The following FNDC3B variants were observed in gnomAD, a reference collection of about 807,000 sequenced individuals.
FNDC3B encodes fibronectin type III domain containing 3B.
FNDC3B carries 12 observed loss-of-function variants against 151.5 expected under a neutral mutation model. The observed-to-expected ratio is 0.08, with a 90% CI of 0.05 to 0.13. FNDC3B has a LOEUF of 0.13. Among genes scored for constraint, FNDC3B ranks in the 10% least tolerant of loss-of-function variants. The pLI is 1.00. For missense variants in FNDC3B, 1,214 were observed against 1,505.3 expected (o/e 0.81, Z 3.20); for synonymous variants, 528 against 549.0 (o/e 0.96, Z 0.54).
At chr3:172,135,437 T>C (rs1259346727) in intron 3 of FNDC3B, among the ~76,000 whole-genome samples, 1 of 152,218 alleles carries the variant, frequency 6.6e-6, no homozygotes, top group East Asian at 1.9e-4. Context: ...TTCATGATGA[T>C]ACTTGGAGAT....
At chr3:172,320,866 T>C (rs1732047289) in intron 11 of FNDC3B, among the ~76,000 whole-genome samples, 1 of 152,236 alleles carries the variant, frequency 6.6e-6, no homozygotes, top group African/African-American at 2.4e-5. Flanking sequence ...GAAAGCTTTA[T>C]GAGGATACTA....
intron 1 of FNDC3B, among the ~76,000 whole-genome samples, chr3:172,100,664 AT>A (rs1259214882): frequency 2.6e-5 from 4 of 152,106 alleles, no homozygotes; most frequent in African/African-American, 9.7e-5. Context: ...AACTGTTGTC[AT>A]TTCATGTGAA....
At chr3:172,252,856 A>G (rs984992685) in intron 6 of FNDC3B, among the ~76,000 whole-genome samples, 2 of 152,226 alleles carry the variant, frequency 1.3e-5, no homozygotes, top group African/African-American at 4.8e-5. Context: ...AATATCATAC[A>G]AAAGAAAGCA....
In FNDC3B at chr3:172,399,232, A is replaced by G. The variant is rs1736443789; in HGVS notation, c.*1757A>G. ...ATTTATTGTAAAATTTTTTAAGTGT[A>G]CTTATGTACTAATTTTCCCTTGTAG... On this transcript the variant is annotated 3_prime_UTR_variant, in exon 26 of 26. Transcript: ENST00000415807. 6.6e-6 allele frequency: 1 copy of G among 152,598 alleles called. No individual in the cohort carries two copies. The highest frequency in any genetic ancestry group is 1.5e-5 in the Non-Finnish European group (1 of 68,018). 9.5% of individuals were successfully genotyped at this position (152,598 alleles called of 1,614,324 possible).
At chr3:172,209,833 A>C (rs1239909633) in intron 3 of FNDC3B, among the ~76,000 whole-genome samples, 1 of 152,214 alleles carries the variant, frequency 6.6e-6, no homozygotes. Flanking sequence ...GCAGGCCCGC[A>C]CTGAACTGCC....
chr3:172,228,190 A>C (rs546395690), intron 4 of FNDC3B, among the ~76,000 whole-genome samples: 2 of 152,352 alleles, frequency 1.3e-5, no homozygotes, highest in East Asian at 3.9e-4. Flanking sequence ...TGTAAGTAAG[A>C]ATCACTGGAG....
intron 2 of FNDC3B, among the ~76,000 whole-genome samples, chr3:172,132,320 C>T (rs530828194): frequency 6.6e-6 from 1 of 152,316 alleles, no homozygotes; most frequent in South Asian, 2.1e-4. Context: ...GTGACACTGA[C>T]ATCCTGTCAA....
In FNDC3B at chr3:172,112,435, C is replaced by T. The variant is rs180830463; in HGVS notation, c.-28-17C>T. 65 of 1,351,756 alleles carry T rather than the reference C, an allele frequency of 4.8e-5. No homozygotes were observed. The highest frequency in any genetic ancestry group is 1.5e-4 in the Admixed American group (9 of 59,562). The allele number at this position is 1,351,756 out of a possible 1,614,324, so 83.7% of individuals were successfully genotyped here. A position where few individuals can be genotyped will look rare whatever the true frequency, so the allele number is the denominator to read the frequency against. On this transcript the variant is annotated splice_polypyrimidine_tract_variant and intron_variant, in intron 1 of 25. Transcript: ENST00000415807. ...GTGGTTCTGAGTCCTTTTTAAAAAG[C>T]GGCGGTTCTCTTGCAGGAAGCCAGT...
chr3:172,374,636 G>A (rs1008833844), intron 23 of FNDC3B, among the ~76,000 whole-genome samples: 3 of 152,034 alleles, frequency 2.0e-5, no homozygotes, highest in East Asian at 3.9e-4. Flanking sequence ...CTTGTGATCC[G>A]CCCGCCTCGG....
At chr3:172,218,134 G>GAAAA (rs57576493) in intron 3 of FNDC3B, among the ~76,000 whole-genome samples, 1 of 62,736 alleles carries the variant, frequency 1.6e-5, no homozygotes, top group Non-Finnish European at 3.1e-5. Context: ...CGACTTTCAG[G>GAAAA]AAAAAAAAAA....
intron 3 of FNDC3B, among the ~76,000 whole-genome samples, chr3:172,156,596 T>G (rs545374156): frequency 6.6e-6 from 1 of 152,320 alleles, no homozygotes; most frequent in East Asian, 1.9e-4. Flanking sequence ...AGCCAAGATC[T>G]TCAACGTTTC....
rs900686229 is a variant in FNDC3B, at chr3:172,148,517, C to G, written c.187+14971C>G. Reference sequence around the variant, plus strand: ...GATAGGACTCCACACCAGTAATGATCTGGAACTGAGGAACATTGCCTACAG... The same window carrying G: ...GATAGGACTCCACACCAGTAATGATGTGGAACTGAGGAACATTGCCTACAG... On this transcript the variant is annotated intron_variant, in intron 3 of 25. Transcript: ENST00000415807. 9 of 152,278 alleles carry G rather than the reference C, an allele frequency of 5.9e-5. No individual in the cohort carries two copies. In the East Asian group the frequency reaches 1.7e-3, roughly 29 times the overall value. The allele number at this position is 152,278 out of a possible 1,614,324, so 9.4% of individuals were successfully genotyped here. A position where few individuals can be genotyped will look rare whatever the true frequency, so the allele number is the denominator to read the frequency against.
At chr3:172,174,278 T>G (rs1723436877) in intron 3 of FNDC3B, among the ~76,000 whole-genome samples, 1 of 152,232 alleles carries the variant, frequency 6.6e-6, no homozygotes, top group South Asian at 2.1e-4. Flanking sequence ...ACTGAGCTTA[T>G]TCCAGAAATA....
intron 4 of FNDC3B, among the ~76,000 whole-genome samples, chr3:172,241,200 A>G (rs1727472361): frequency 1.3e-5 from 2 of 152,190 alleles, no homozygotes; most frequent in Admixed American, 6.5e-5. Context: ...AAGGTAGAAG[A>G]AAGTGCTGGA....
At chr3:172,372,158 TA>T (rs1734910720) in intron 23 of FNDC3B, among the ~76,000 whole-genome samples, 1 of 152,146 alleles carries the variant, frequency 6.6e-6, no homozygotes, top group African/African-American at 2.4e-5. Flanking sequence ...CTGCAGAGCT[TA>T]TATCATCACC....
chr3:172,185,696 A>C (rs918532908), intron 3 of FNDC3B, among the ~76,000 whole-genome samples: 1 of 152,216 alleles, frequency 6.6e-6, no homozygotes, highest in African/African-American at 2.4e-5. Context: ...ATCATAGGAA[A>C]ATTTACTGTT....
intron 6 of FNDC3B, among the ~76,000 whole-genome samples, chr3:172,278,554 T>C (rs778254642): frequency 4.6e-5 from 7 of 152,182 alleles, no homozygotes; most frequent in Non-Finnish European, 7.3e-5. Context: ...GTTAATCTTG[T>C]CAAGCAAACA....
intron 11 of FNDC3B, among the ~76,000 whole-genome samples, chr3:172,311,605 G>A (rs1047199216): frequency 1.3e-5 from 2 of 151,618 alleles, no homozygotes; most frequent in East Asian, 1.9e-4. Context: ...GATGACTCAC[G>A]CCTGTAATCC....
chr3:172,050,601 C>CCCCCATGTTAGCCAGG (rs1416584603), intron 1 of FNDC3B, among the ~76,000 whole-genome samples: 3 of 151,872 alleles, frequency 2.0e-5, no homozygotes, highest in African/African-American at 7.3e-5. Flanking sequence ...CCAGACTGGT[C>CCCCCATGTTAGCCAGG]TTGAACTCCC....
Sources: gnomAD v4.1 joint callset for allele counts (sites outside exome capture counted in the v4.1 genomes callset) on GRCh38, gnomAD v4.1.1 for gene constraint, MANE v1.5 for transcripts, NCBI Gene and HGNC (gene_info 2026-07-23, HGNC 2026-07-21) for gene names.